The following LRP2 variants were observed in gnomAD, a reference collection of about 807,000 sequenced individuals.
LRP2 encodes LDL receptor related protein 2, also known as low-density lipoprotein receptor-related protein 2.
In LRP2, 172 loss-of-function variants were observed where a neutral mutation model predicts 531.0. That is an observed-to-expected ratio of 0.32 (90% CI 0.29 to 0.37). The LOEUF (loss-of-function observed/expected upper bound fraction) is 0.37. LRP2 is among the 10% of genes least tolerant of loss of function. The pLI, the probability that LRP2 is intolerant of heterozygous loss-of-function variation, is 1.00. For missense variants in LRP2, 5,167 were observed against 5,868.3 expected (o/e 0.88, Z 3.90); for synonymous variants, 1,992 against 2,027.6 (o/e 0.98, Z 0.47).
intron 14 of LRP2, among the ~76,000 whole-genome samples, chr2:169,274,083 C>G (rs1683491178): frequency 6.6e-6 from 1 of 152,120 alleles, no homozygotes; most frequent in Non-Finnish European, 1.5e-5. Flanking sequence ...TGCAGTCTTT[C>G]TTCATCCTAA....
intron 1 of LRP2, among the ~76,000 whole-genome samples, chr2:169,351,388 G>C (rs1685843775): frequency 6.6e-6 from 1 of 152,348 alleles, no homozygotes; most frequent in East Asian, 1.9e-4. Context: ...ATGTGGAACA[G>C]AGGATTTCAT....
At chr2:169,349,966 T>C (rs1237451298) in intron 1 of LRP2, among the ~76,000 whole-genome samples, 1 of 152,170 alleles carries the variant, frequency 6.6e-6, no homozygotes, top group Non-Finnish European at 1.5e-5. Flanking sequence ...ACTGATGTTC[T>C]AAAAAAGTTG....
At position 169,231,811 on chromosome 2, in the gene LRP2, G is replaced by C. The variant is rs1282381957; in HGVS notation, c.5130C>G (p.Ser1710Arg). 1.9e-6 allele frequency: 3 copies of C among 1,614,066 alleles called. No individual in the cohort carries two copies. The highest frequency in any genetic ancestry group is 2.5e-6 in the Non-Finnish European group (3 of 1,179,984). ...CCTGTGAGGAAAGCAGGCAGAGATG[G>C]CTGCAGCGGGAAAAGGCACATGGAT... ...SVNPCAFSRC[S>R]HLCLLSSQGP... The change falls in exon 31 of 79, where the codon AGC (serine) becomes AGG (arginine). Residue 1710 changes from serine to arginine, a missense_variant. Around this residue, in one of 6 missense-constraint regions of LRP2, gnomAD observed 2,811 missense variants for 3,058.0 expected, o/e 0.92. Transcript: ENST00000649046.
intron 66 of LRP2, among the ~76,000 whole-genome samples, chr2:169,153,325 G>C (rs1686212684): frequency 6.6e-6 from 1 of 152,158 alleles, no homozygotes; most frequent in South Asian, 2.1e-4. Flanking sequence ...GAATTTGAAA[G>C]CATACTCAAG....
intron 7 of LRP2, among the ~76,000 whole-genome samples, chr2:169,291,590 GATATCAGCAACATAAAAGGGTCA>G (rs1354431219): frequency 1.3e-5 from 2 of 152,276 alleles, no homozygotes; most frequent in Non-Finnish European, 2.9e-5. Context: ...TACTGCTGAT[GATATCAGCAACATAAAAGGGTCA>G]ATATCAGCAA....
intron 60 of LRP2, among the ~76,000 whole-genome samples, chr2:169,169,036 G>A (rs1191584948): frequency 1.3e-5 from 2 of 152,196 alleles, no homozygotes; most frequent in East Asian, 3.8e-4. Context: ...TATTGTTGAT[G>A]GATCAGCAAT....
intron 68 of LRP2, among the ~76,000 whole-genome samples, 161 bp from the exon 69 acceptor site, chr2:169,147,120 A>G (rs1001765489): frequency 3.3e-5 from 5 of 152,194 alleles, no homozygotes; most frequent in African/African-American, 1.2e-4. Flanking sequence ...GGGAGCAAAA[A>G]TAGGGGCGCA....
chr2:169,240,333 A>C (rs186172158), intron 25 of LRP2, among the ~76,000 whole-genome samples: 1 of 152,232 alleles, frequency 6.6e-6, no homozygotes, highest in Non-Finnish European at 1.5e-5. Context: ...GACAGTTCAC[A>C]TGCCTGGGGA....
chr2:169,137,422 G>A lies in LRP2; in HGVS notation c.13590C>T (p.Asp4530=). 1 of 1,613,982 alleles carries A rather than the reference G, an allele frequency of 6.2e-7. No individual in the cohort carries two copies. Among genetic ancestry groups the A allele is most frequent in the Non-Finnish European group, 8.5e-7 (1 of 1,179,882 alleles). ...TTGGCTGAACCACTTTGACAGCACT[G>A]TCTCTGGCTGAGTACATTGGGTTTT... The part of the protein sequence containing the change: ...IFENPMYSAR[D]SAVKVVQPIQ... The change falls in exon 76 of 79, where the codon GAC becomes GAT. Residue 4530 remains aspartate, a synonymous_variant. Coordinates refer to ENST00000649046, the MANE Select transcript of LRP2 (RefSeq NM_004525.3).
intron 1 of LRP2, among the ~76,000 whole-genome samples, chr2:169,328,460 A>AAAAAG (rs1559078440): frequency 2.4e-4 from 35 of 148,292 alleles, no homozygotes; most frequent in African/African-American, 7.9e-4. Flanking sequence ...AAAAAAAAAA[A>AAAAAG]AAAAGAAAAA....
rs187372868 is a variant in LRP2 at position 169,241,484 on chromosome 2, C to A, written c.3668-119G>T. ...GTAGGTTTATAGTAACAACTATGAC[C>A]AAATTAATATTTAAGGCTAAATGAT... On this transcript the variant is annotated intron_variant, in intron 24 of 78. Transcript: ENST00000649046. 23 of 1,033,408 alleles carry A rather than the reference C, an allele frequency of 2.2e-5. No individual in the cohort carries two copies. The East Asian group carries it at 5.4e-4, about 24-fold the overall frequency. 64.0% of individuals were successfully genotyped at this position (1,033,408 alleles called of 1,614,324 possible). A position where few individuals can be genotyped will look rare whatever the true frequency, so the allele number is the denominator to read the frequency against.
chr2:169,318,225 G>A lies in LRP2; in HGVS notation c.310+537C>T, dbSNP rs559854750. Among the ~76,000 whole-genome samples the A allele has an allele frequency of 6.4e-4, 98 of 152,064 alleles. No individual in the cohort carries two copies. In the Middle Eastern group the frequency reaches 0.017, roughly 26 times the overall value. On this transcript the variant is annotated intron_variant, in intron 3 of 78. Coordinates refer to ENST00000649046, the MANE Select transcript of LRP2 (RefSeq NM_004525.3). ...AACCCCCTCAATGTCCAGGGATGCC[G>A]CAGTTGCCAAGATCCGCTTCATCGC...
chr2:169,257,258 A>G lies in LRP2; in HGVS notation c.2514-9T>C, dbSNP rs766606680. ...CAGTGAAGAATAGATACCTAGAAAAAGCAGTAGTAAATTAAGGCTGTTAAC... is the reference window on the plus strand; with the variant it reads ...CAGTGAAGAATAGATACCTAGAAAAGGCAGTAGTAAATTAAGGCTGTTAAC... On this transcript the variant is annotated splice_polypyrimidine_tract_variant and intron_variant, in intron 17 of 78. Coordinates refer to ENST00000649046, the MANE Select transcript of LRP2 (RefSeq NM_004525.3). 1.9e-6 allele frequency: 3 copies of G among 1,611,952 alleles called. No homozygotes were observed. In the Admixed American group the frequency reaches 5.0e-5, roughly 27 times the overall value.
chr2:169,205,569 C>T lies in LRP2; in HGVS notation c.7625G>A (p.Arg2542His), dbSNP rs778298000. 1.1e-5 allele frequency: 18 copies of T among 1,613,848 alleles called. No homozygotes were observed. Among genetic ancestry groups the T allele is most frequent in the South Asian group, 4.4e-5 (4 of 91,070 alleles). The part of the protein sequence containing the change: ...IERATLGGNF[R>H]VPIVNSSLVM... ...CAGACTGCTGTTCACAATGGGTACGCGGAAGTTTCCTCCCAATGTGGCTCT... is the reference window on the plus strand; with the variant it reads ...CAGACTGCTGTTCACAATGGGTACGTGGAAGTTTCCTCCCAATGTGGCTCT... Residue 2542 changes from arginine to histidine, a missense_variant, in exon 41 of 79, where the codon CGC (arginine) becomes CAC (histidine). This residue lies in a region of LRP2 where 1,129 missense variants were observed against 1,362.7 expected (regional missense o/e 0.83). Coordinates refer to ENST00000649046, the MANE Select transcript of LRP2 (RefSeq NM_004525.3).
chr2:169,260,301 G>A (rs1223984662), intron 16 of LRP2, among the ~76,000 whole-genome samples: 1 of 152,072 alleles, frequency 6.6e-6, no homozygotes, highest in Non-Finnish European at 1.5e-5. Context: ...ATTCCTAATG[G>A]GCCACATGGC....
rs755245156 is a variant in LRP2 at position 169,128,748 on chromosome 2, C to A, written c.13883G>T (p.Arg4628Ile). Residue 4628 changes from arginine (R) to isoleucine (I), a missense_variant, in exon 79 of 79, where the codon AGA (arginine) becomes ATA (isoleucine). Physicochemically the swap from Arg to Ile is moderately conservative, Grantham distance 97. Coordinates refer to ENST00000649046, the MANE Select transcript of LRP2 (RefSeq NM_004525.3). ...SLPAKPKPPS[R>I]RDPTPTYSAT... Reference sequence around the variant, plus strand: ...AGAATAGGTTGGAGTTGGGTCTCTTCTCGAAGGAGGCTTAGGCTTAGCAGG... The same window carrying A: ...AGAATAGGTTGGAGTTGGGTCTCTTATCGAAGGAGGCTTAGGCTTAGCAGG... 1 of 1,614,098 alleles carries A rather than the reference C, an allele frequency of 6.2e-7. No individual in the cohort carries two copies. Among genetic ancestry groups the A allele is most frequent in the South Asian group, 1.1e-5 (1 of 91,084 alleles).
At chr2:169,157,341 T>C (rs553316215) in intron 64 of LRP2, 30 bp downstream of exon 64, 2 of 1,611,350 alleles carry the variant, frequency 1.2e-6, no homozygotes, top group East Asian at 2.2e-5. Context: ...AAAGTTCACC[T>C]AAACAGGAAT....
chr2:169,217,561 T>A (rs750995926), intron 34 of LRP2, among the ~76,000 whole-genome samples: 1 of 152,152 alleles, frequency 6.6e-6, no homozygotes, highest in Non-Finnish European at 1.5e-5. Context: ...TCTAAGCTAA[T>A]CTCCAACCCT....
In LRP2 at chr2:169,128,885, A is replaced by C. The variant is rs1685186919; in HGVS notation, c.13801-55T>G. The C allele has an allele frequency of 5.0e-6, 8 of 1,602,560 alleles. No homozygotes were observed. The South Asian group carries it at 6.6e-5, about 13-fold the overall frequency. ...ATTTATTCCCCCAAGGTCACCATAC[A>C]CGGTTTTTCATAAAGAAGACTATTT... On this transcript the variant is annotated intron_variant, in intron 78 of 78. Transcript: ENST00000649046.
Sources: gnomAD v4.1 joint callset for allele counts (sites outside exome capture counted in the v4.1 genomes callset) on GRCh38, gnomAD v4.1.1 for gene constraint, gnomAD v4.1.1 regional missense constraint, MANE v1.5 for transcripts, NCBI Gene and HGNC (gene_info 2026-07-23, HGNC 2026-07-21) for gene names.